Variants in ATP7A observed in about 807,000 individuals in gnomAD.
ATP7A encodes the protein ATPase copper transporting alpha.
ATP7A carries 7 observed loss-of-function variants against 83.5 expected under a neutral mutation model. The observed-to-expected ratio is 0.08, with a 90% CI of 0.05 to 0.16. ATP7A has a LOEUF of 0.16. ATP7A is among the 10% of genes least tolerant of loss of function. ATP7A has a pLI of 1.00. For missense variants in ATP7A, 940 were observed against 1,120.8 expected (o/e 0.84, Z 2.30); for synonymous variants, 354 against 395.2 (o/e 0.90, Z 1.24).
chrX:77,997,213 C>T (rs1484517420), intron 4 of ATP7A, among the ~76,000 whole-genome samples: 4 of 112,253 alleles, frequency 3.6e-5, no homozygotes, highest in Non-Finnish European at 7.5e-5. Context: ...CTTTGCTATA[C>T]TCAGACCTAG....
At chrX:78,043,228 C>A in intron 20 of ATP7A, 89 bp from the exon 21 acceptor site, 1 of 646,765 alleles carries the variant, frequency 1.5e-6, no homozygotes, top group Non-Finnish European at 2.6e-6. Context: ...CTAAGGTAGA[C>A]GTAATCTTCA....
rs140293138 is a variant in ATP7A at position 77,989,395 on chromosome X, C to T, written c.773C>T (p.Thr258Ile). The T allele has an allele frequency of 8.3e-7, 1 of 1,211,424 alleles. No individual in the cohort carries two copies. The change falls in exon 4 of 23, where the codon ACA becomes ATA. Residue 258 changes from threonine to isoleucine, a missense_variant. This residue lies in a region of ATP7A where 350 missense variants were observed against 432.8 expected (regional missense o/e 0.81). Coordinates refer to ENST00000341514, the MANE Select transcript of ATP7A (RefSeq NM_000052.7). The stretch of plus-strand genomic sequence containing the variant: ...ATTGATGTAGAACGTCTAAAGAACA[C>T]ACCAGTTAAATCCTCAGAAGGGTCA... Reference protein sequence around the residue: ...GAIDVERLKNTPVKSSEGSQQ... With the variant: ...GAIDVERLKNIPVKSSEGSQQ...
intron 1 of ATP7A, among the ~76,000 whole-genome samples, chrX:77,957,644 T>A (rs1022435275): frequency 9.0e-6 from 1 of 110,693 alleles, no homozygotes; most frequent in Non-Finnish European, 1.9e-5. Context: ...TTTTATGTAA[T>A]CTCATTTGTC....
chrX:77,998,385 G>T, intron 4 of ATP7A, 93 bp from the exon 5 acceptor site: 1 of 878,282 alleles, frequency 1.1e-6, no homozygotes, highest in Non-Finnish European at 1.7e-6. Flanking sequence ...GGAATAGATT[G>T]TCAGTGCCTG....
intron 1 of ATP7A, among the ~76,000 whole-genome samples, chrX:77,944,346 C>T (rs782717064): frequency 2.0e-4 from 22 of 112,063 alleles, no homozygotes; most frequent in Non-Finnish European, 3.8e-4. Context: ...GATAAAGTAA[C>T]ATAATATATG....
intron 1 of ATP7A, among the ~76,000 whole-genome samples, chrX:77,931,307 T>G (rs2077272884): frequency 9.0e-6 from 1 of 110,649 alleles, no homozygotes. Flanking sequence ...ACAGCACATG[T>G]TTCAGAGAGC....
At chrX:78,031,675 A>G in intron 16 of ATP7A, 93 bp downstream of exon 16, 2 of 974,092 alleles carry the variant, frequency 2.1e-6, no homozygotes, top group South Asian at 2.0e-5. Flanking sequence ...TGATTTGCAT[A>G]TATAGTTGGT....
At chrX:77,972,811 A>G (rs2077556597) in intron 2 of ATP7A, among the ~76,000 whole-genome samples, 2 of 110,764 alleles carry the variant, frequency 1.8e-5, no homozygotes, top group African/African-American at 6.6e-5. Flanking sequence ...CAAAATTACT[A>G]GTACACCTTG....
rs181240427 is a variant in ATP7A at position 78,014,866 on chromosome X, A to G, written c.2498+113A>G. 2.3e-3 allele frequency: 1,309 copies of G among 579,425 alleles called. 24 individuals are homozygous for G. In the African/African-American group the frequency reaches 0.027, roughly 12 times the overall value. The allele number at this position is 579,425 out of a possible 1,213,427, so 47.8% of individuals were successfully genotyped here. On this transcript the variant is annotated intron_variant, in intron 11 of 22. Transcript: ENST00000341514. ...TGAATTCACATAATCTGTCTCCCAG[A>G]TATAAAAATTATCCACATTTTGCCA...
chrX:78,031,638 G>T, intron 16 of ATP7A, 56 bp downstream of exon 16: 1 of 1,124,789 alleles, frequency 8.9e-7, no homozygotes, highest in Non-Finnish European at 1.2e-6. Flanking sequence ...GAATTCCCCG[G>T]ATCAAATCTA....
At chrX:77,913,403 G>A (rs1402154766) in intron 1 of ATP7A, among the ~76,000 whole-genome samples, 1 of 111,177 alleles carries the variant, frequency 9.0e-6, no homozygotes, top group Non-Finnish European at 1.9e-5. Context: ...ACATGGGGCC[G>A]GGGCAAGGGG....
At chrX:77,997,375 G>T (rs2077710951) in intron 4 of ATP7A, among the ~76,000 whole-genome samples, 1 of 111,749 alleles carries the variant, frequency 8.9e-6, no homozygotes, top group Non-Finnish European at 1.9e-5. Flanking sequence ...ATACTTATTT[G>T]AGAAGTCTAC....
chrX:77,934,895 C>G (rs1005633698), intron 1 of ATP7A, among the ~76,000 whole-genome samples: 2 of 106,162 alleles, frequency 1.9e-5, no homozygotes, highest in Non-Finnish European at 3.9e-5. Flanking sequence ...GTTGCACAGG[C>G]TGGAGTGTAG....
chrX:77,994,146 A>G (rs1169424605), intron 4 of ATP7A, among the ~76,000 whole-genome samples: 28 of 108,375 alleles, frequency 2.6e-4, no homozygotes, highest in African/African-American at 9.4e-4. Context: ...GCTCACTGTA[A>G]CCTCTGCCTC....
At chrX:77,942,206 T>G (rs781830912) in intron 1 of ATP7A, among the ~76,000 whole-genome samples, 34 of 112,362 alleles carry the variant, frequency 3.0e-4, no homozygotes, top group Admixed American at 4.7e-4. Context: ...CTCCAAACCA[T>G]CATATTATCT....
intron 1 of ATP7A, among the ~76,000 whole-genome samples, chrX:77,922,588 A>G (rs2077221975): frequency 9.0e-6 from 1 of 110,764 alleles, no homozygotes; most frequent in Admixed American, 9.6e-5. Context: ...CACATACACA[A>G]CCCTCAACAT....
chrX:77,949,742 G>A (rs782459242), intron 1 of ATP7A, among the ~76,000 whole-genome samples: 125 of 111,610 alleles, frequency 1.1e-3, no homozygotes, highest in Non-Finnish European at 2.2e-3. Context: ...TTTTTGCAGG[G>A]TAAAATTTGC....
intron 5 of ATP7A, among the ~76,000 whole-genome samples, chrX:78,001,037 C>T (rs1557233081): frequency 8.9e-6 from 1 of 111,926 alleles, no homozygotes; most frequent in Admixed American, 9.5e-5. Context: ...AAATTATCTG[C>T]AATTTACATA....
chrX:77,997,965 T>C (rs2077715153), intron 4 of ATP7A, among the ~76,000 whole-genome samples: 1 of 109,676 alleles, frequency 9.1e-6, no homozygotes, highest in Admixed American at 9.9e-5. Flanking sequence ...TCCCCAGAAG[T>C]AGCCACTGTT....
Sources: gnomAD v4.1 joint callset for allele counts (sites outside exome capture counted in the v4.1 genomes callset) on GRCh38, gnomAD v4.1.1 for gene constraint, gnomAD v4.1.1 regional missense constraint, MANE v1.5 for transcripts, NCBI Gene and HGNC (gene_info 2026-07-23, HGNC 2026-07-21) for gene names.